MSN: variants seen among roughly 807,000 people sequenced by gnomAD.
MSN encodes moesin.
MSN carries 2 observed loss-of-function variants against 48.0 expected under a neutral mutation model. That is an observed-to-expected ratio of 0.04 (90% CI 0.02 to 0.13). MSN has a LOEUF of 0.13. Among genes scored for constraint, MSN ranks in the 10% least tolerant of loss-of-function variants. The pLI is 1.00. For missense variants in MSN, 267 were observed against 470.1 expected (o/e 0.57, Z 3.99); for synonymous variants, 146 against 166.9 (o/e 0.87, Z 0.97).
intron 1 of MSN, among the ~76,000 whole-genome samples, chrX:65,709,787 T>C (rs2071397087): frequency 8.9e-6 from 1 of 112,135 alleles, no homozygotes; most frequent in African/African-American, 3.2e-5. Context: ...ATTTCCAATA[T>C]TGTGAATTAA....
intron 1 of MSN, among the ~76,000 whole-genome samples, chrX:65,652,914 G>T (rs745710705): frequency 1.8e-5 from 2 of 111,739 alleles, no homozygotes; most frequent in Admixed American, 1.9e-4. Context: ...GGATTTAGGC[G>T]GTGATGAAGG....
chrX:65,690,950 A>G (rs969207240), intron 1 of MSN, among the ~76,000 whole-genome samples: 8 of 111,300 alleles, frequency 7.2e-5, no homozygotes, highest in African/African-American at 2.3e-4. Context: ...AGCTCCTTCT[A>G]TGGTAGGAAA....
chrX:65,613,275 T>C (rs2070337100), intron 1 of MSN, among the ~76,000 whole-genome samples: 1 of 114,856 alleles, frequency 8.7e-6, no homozygotes, highest in Admixed American at 9.1e-5. Context: ...CAGTTTATCA[T>C]TGATGGGCAT....
At chrX:65,735,139 TC>T in intron 7 of MSN, 127 bp from the exon 8 acceptor site, 1 of 746,649 alleles carries the variant, frequency 1.3e-6, no homozygotes. Flanking sequence ...TAATTAGTCT[TC>T]CCATCTGTAG....
At chrX:65,605,317 C>T (rs1261204169) in intron 1 of MSN, among the ~76,000 whole-genome samples, 1 of 112,143 alleles carries the variant, frequency 8.9e-6, no homozygotes, top group African/African-American at 3.2e-5. Context: ...CCTCCTCTTT[C>T]TTATTACCCC....
chrX:65,724,674 TG>T (rs1385903509), intron 2 of MSN, among the ~76,000 whole-genome samples: 1 of 92,475 alleles, frequency 1.1e-5, no homozygotes, highest in African/African-American at 8.0e-5. Context: ...TGTTTTGTTT[TG>T]TTTTTGTTTG....
chrX:65,590,786 A>T (rs1223119456), intron 1 of MSN, among the ~76,000 whole-genome samples: 4 of 109,378 alleles, frequency 3.7e-5, no homozygotes, highest in Non-Finnish European at 5.7e-5. Context: ...CTTCACTACT[A>T]TGGAACATGG....
At chrX:65,738,124 T>G (rs1398381494) in intron 10 of MSN, among the ~76,000 whole-genome samples, 1 of 112,256 alleles carries the variant, frequency 8.9e-6, no homozygotes, top group African/African-American at 3.2e-5. Context: ...TTCCTGTACT[T>G]GTCCTGGGAA....
intron 1 of MSN, among the ~76,000 whole-genome samples, chrX:65,646,840 G>T (rs1253133537): frequency 9.0e-6 from 1 of 111,178 alleles, no homozygotes; most frequent in Admixed American, 9.6e-5. Flanking sequence ...CCAGCTACTC[G>T]AGAGGCTGAG....
intron 1 of MSN, among the ~76,000 whole-genome samples, chrX:65,712,898 T>C (rs765443612): frequency 5.8e-4 from 65 of 111,545 alleles, no homozygotes; most frequent in Non-Finnish European, 9.0e-4. Flanking sequence ...ATTTAGCATA[T>C]TGGTTTACAT....
rs186855973 is a variant in MSN, at chrX:65,588,636, G to A, written c.-22+24G>A. 5 of 792,986 alleles carry A rather than the reference G, an allele frequency of 6.3e-6. No homozygotes were observed. In the African/African-American group the frequency reaches 6.7e-5, roughly 11 times the overall value. The allele number at this position is 792,986 out of a possible 1,213,427, so 65.4% of individuals were successfully genotyped here. A position where few individuals can be genotyped will look rare whatever the true frequency, so the allele number is the denominator to read the frequency against. ...AAGTGAGTGAACAGGGGCTGGCTGAGGGTTGGGAGAGGTTCCTGGACAGGA... is the reference window on the plus strand; with the variant it reads ...AAGTGAGTGAACAGGGGCTGGCTGAAGGTTGGGAGAGGTTCCTGGACAGGA... On this transcript the variant is annotated intron_variant, in intron 1 of 3. Transcript: ENST00000609672.
chrX:65,703,557 GT>G (rs1238764557), intron 1 of MSN, among the ~76,000 whole-genome samples: 1 of 109,818 alleles, frequency 9.1e-6, no homozygotes, highest in African/African-American at 3.3e-5. Flanking sequence ...GAAAACAGAG[GT>G]TTTTTGTTTT....
At chrX:65,732,925 GTGTT>G (rs1461433704) in intron 6 of MSN, among the ~76,000 whole-genome samples, 4 of 111,775 alleles carry the variant, frequency 3.6e-5, no homozygotes, top group Admixed American at 2.9e-4. Context: ...CCAGAGAGAA[GTGTT>G]TGTTTGGCCA....
intron 1 of MSN, among the ~76,000 whole-genome samples, chrX:65,628,411 A>C (rs1425584433): frequency 8.9e-6 from 1 of 112,472 alleles, no homozygotes; most frequent in Non-Finnish European, 1.9e-5. Context: ...TGGGGCTTCC[A>C]CCCTCTGAAG....
At chrX:65,600,399 G>C (rs2070225225) in intron 1 of MSN, among the ~76,000 whole-genome samples, 1 of 111,620 alleles carries the variant, frequency 9.0e-6, no homozygotes, top group Admixed American at 9.5e-5. Context: ...TAAACTGATC[G>C]GCTAAAGGAA....
intron 1 of MSN, among the ~76,000 whole-genome samples, chrX:65,683,406 C>T (rs1295725703): frequency 2.0e-5 from 2 of 98,615 alleles, no homozygotes; most frequent in South Asian, 4.9e-4. Flanking sequence ...ACCACCACCA[C>T]CACCACCACC....
At chrX:65,692,457 CT>C (rs2071183460) in intron 1 of MSN, among the ~76,000 whole-genome samples, 1 of 112,292 alleles carries the variant, frequency 8.9e-6, no homozygotes. Context: ...TTATCTTTGG[CT>C]AACTTTCAGA....
In MSN at chrX:65,604,644, G is replaced by A. The variant is rs568162339; in HGVS notation, c.-22+16032G>A. Among the ~76,000 whole-genome samples the A allele has an allele frequency of 9.8e-5, 11 of 111,849 alleles. No individual in the cohort carries two copies. The South Asian group carries it at 4.1e-3, about 42-fold the overall frequency. On this transcript the variant is annotated intron_variant, in intron 1 of 3. Transcript: ENST00000609672. ...CCCCCAAATCTGCTCTTCTCTAGTG[G>A]TCTCTACCTCAGTGAATGGCTCCAC...
At chrX:65,588,571 T>C (rs909888227) in exon 1 of MSN, 5 of 803,038 alleles carry the variant, frequency 6.2e-6, no homozygotes, top group Admixed American at 7.7e-5. Context: ...CAGCCATCAG[T>C]CCCTTAACTG....
Sources: gnomAD v4.1 joint callset for allele counts (sites outside exome capture counted in the v4.1 genomes callset) on GRCh38, gnomAD v4.1.1 for gene constraint, MANE v1.5 for transcripts, NCBI Gene and HGNC (gene_info 2026-07-23, HGNC 2026-07-21) for gene names.